TUSC3: variants seen among roughly 807,000 people sequenced by gnomAD.
TUSC3 encodes tumor suppressor candidate 3.
TUSC3 carries 45 observed loss-of-function variants against 44.8 expected under a neutral mutation model. The ratio of observed to expected loss-of-function variants is 1.00; its 90% confidence interval spans 0.79 to 1.29. TUSC3 has a LOEUF of 1.29. TUSC3 is among the 50% of genes most tolerant of loss of function. The probability of loss-of-function intolerance (pLI) is 0.00; values close to 1 mark genes in which losing one functional copy is unlikely to be tolerated. For synonymous variants in TUSC3, 212 were observed against 152.9 expected (o/e 1.39, Z -2.85); for missense variants, 519 against 437.9 (o/e 1.19, Z -1.65).
the TUSC3 span, among the ~76,000 whole-genome samples, chr8:15,813,386 A>AAAC: frequency 2.8e-4 from 4 of 14,380 alleles, no homozygotes; most frequent in East Asian, 3.1e-3. Flanking sequence ...ACAAACAAAC[A>AAAC]AACAAAAAAA....
intron 1 of TUSC3, among the ~76,000 whole-genome samples, chr8:15,428,730 G>C (rs1157501620): frequency 1.3e-5 from 2 of 152,160 alleles, no homozygotes; most frequent in Non-Finnish European, 1.5e-5. Context: ...GTGATGATGA[G>C]CATTTTTTCA....
At chr8:15,532,382 C>G (rs1299476650) in intron 2 of TUSC3, among the ~76,000 whole-genome samples, 1 of 152,034 alleles carries the variant, frequency 6.6e-6, no homozygotes, top group East Asian at 1.9e-4. Flanking sequence ...TTATGTAAAT[C>G]AAAGAAAATG....
chr8:15,612,400 A>T (rs535757319), intron 1 of TUSC3, among the ~76,000 whole-genome samples: 1 of 152,202 alleles, frequency 6.6e-6, no homozygotes, highest in Non-Finnish European at 1.5e-5. Context: ...TATTCTATTT[A>T]AGCTTCACTT....
At chr8:15,668,059 C>A (rs1807754357) in intron 5 of TUSC3, among the ~76,000 whole-genome samples, 1 of 151,720 alleles carries the variant, frequency 6.6e-6, no homozygotes, top group African/African-American at 2.4e-5. Context: ...TGAATGCTTG[C>A]CTGCTATATA....
At chr8:15,632,498 AT>A (rs1195025036) in intron 2 of TUSC3, among the ~76,000 whole-genome samples, 1 of 151,946 alleles carries the variant, frequency 6.6e-6, no homozygotes, top group Non-Finnish European at 1.5e-5. Context: ...GTACAGGGAA[AT>A]TTTTTTTGCT....
intron 2 of TUSC3, among the ~76,000 whole-genome samples, chr8:15,632,191 T>A (rs1466070265): frequency 1.3e-5 from 2 of 152,216 alleles, no homozygotes; most frequent in Non-Finnish European, 2.9e-5. Context: ...TTACATTTGT[T>A]ACACCTCTTT....
At chr8:15,632,202 C>G (rs1303159744) in intron 2 of TUSC3, among the ~76,000 whole-genome samples, 1 of 152,124 alleles carries the variant, frequency 6.6e-6, no homozygotes, top group African/African-American at 2.4e-5. Flanking sequence ...ACACCTCTTT[C>G]TTTTAATCTA....
At chr8:15,581,318 C>G (rs982049696) in intron 1 of TUSC3, among the ~76,000 whole-genome samples, 2 of 149,204 alleles carry the variant, frequency 1.3e-5, no homozygotes, top group Admixed American at 1.3e-4. Context: ...TCTCTCAGCT[C>G]GTCAAAGTCA....
intron 1 of TUSC3, among the ~76,000 whole-genome samples, chr8:15,588,401 T>C (rs915806957): frequency 6.6e-6 from 1 of 152,064 alleles, no homozygotes; most frequent in African/African-American, 2.4e-5. Flanking sequence ...ATTTTAGTAC[T>C]AGATTATTTG....
chr8:15,639,916 C>T (rs1452089090), intron 2 of TUSC3, among the ~76,000 whole-genome samples: 1 of 151,442 alleles, frequency 6.6e-6, no homozygotes, highest in Admixed American at 6.6e-5. Flanking sequence ...AAATAATATT[C>T]TTTTTATTTA....
At chr8:15,492,801 T>C (rs1800825449) in intron 2 of TUSC3, among the ~76,000 whole-genome samples, 1 of 151,204 alleles carries the variant, frequency 6.6e-6, no homozygotes. Context: ...AAAAGTGTAA[T>C]AATATGTCAT....
chr8:15,806,364 T>A, the TUSC3 span: 4 of 734,974 alleles, frequency 5.4e-6, no homozygotes, highest in Non-Finnish European at 1.0e-5. Context: ...GCATTCCAGG[T>A]ACTTGCCCAA....
At chr8:15,798,446 C>G in the TUSC3 span, among the ~76,000 whole-genome samples, 1 of 150,542 alleles carries the variant, frequency 6.6e-6, no homozygotes, top group East Asian at 1.9e-4. Flanking sequence ...TAGAAACAGA[C>G]TCAACCCCAC....
chr8:15,442,945 T>G (rs1234855370), intron 1 of TUSC3, among the ~76,000 whole-genome samples: 1 of 152,120 alleles, frequency 6.6e-6, no homozygotes, highest in Non-Finnish European at 1.5e-5. Flanking sequence ...CAATCTGCCT[T>G]TAGTTGGTTA....
the TUSC3 span, among the ~76,000 whole-genome samples, chr8:15,837,823 T>C: frequency 6.6e-6 from 1 of 152,238 alleles, no homozygotes; most frequent in African/African-American, 2.4e-5. Flanking sequence ...TTTTGCTTTT[T>C]CAAACCCCAT....
At chr8:15,828,109 C>G in the TUSC3 span, among the ~76,000 whole-genome samples, 1 of 151,828 alleles carries the variant, frequency 6.6e-6, no homozygotes, top group Non-Finnish European at 1.5e-5. Context: ...ACTCTCCTGC[C>G]TCAGCCACTC....
At chr8:15,821,353 C>G in the TUSC3 span, among the ~76,000 whole-genome samples, 2 of 105,272 alleles carry the variant, frequency 1.9e-5, no homozygotes, top group Admixed American at 1.4e-4. Flanking sequence ...TTTAATGTAT[C>G]TAGGCATTTT....
downstream of TUSC3, among the ~76,000 whole-genome samples, chr8:15,771,442 A>T (rs1812437556): frequency 6.6e-6 from 1 of 152,208 alleles, no homozygotes; most frequent in African/African-American, 2.4e-5. Flanking sequence ...TGAGAGTCAT[A>T]CAAAGAAATG....
At chr8:15,652,027 T>A (rs1477871008) in intron 3 of TUSC3, among the ~76,000 whole-genome samples, 3 of 152,212 alleles carry the variant, frequency 2.0e-5, no homozygotes, top group Non-Finnish European at 4.4e-5. Context: ...GTTAGTGTAA[T>A]GTGTAACTAG....
Sources: gnomAD v4.1 joint callset for allele counts (sites outside exome capture counted in the v4.1 genomes callset) on GRCh38, gnomAD v4.1.1 for gene constraint, MANE v1.5 for transcripts, NCBI Gene and HGNC (gene_info 2026-07-23, HGNC 2026-07-21) for gene names.